Variants in CYP39A1 observed in about 807,000 individuals in gnomAD.
CYP39A1 encodes 24-hydroxycholesterol 7-alpha-hydroxylase.
In CYP39A1, 49 loss-of-function variants were observed where a neutral mutation model predicts 58.1. The ratio of observed to expected loss-of-function variants is 0.84; its 90% CI spans 0.67 to 1.07. The LOEUF (loss-of-function observed/expected upper bound fraction) is 1.07. CYP39A1 is among the 50% of genes least tolerant of loss of function. The probability of loss-of-function intolerance (pLI) is 0.00; values close to 1 mark genes in which losing one functional copy is unlikely to be tolerated. For missense variants in CYP39A1, 531 were observed against 539.4 expected (o/e 0.98, Z 0.16); for synonymous variants, 209 against 187.6 (o/e 1.11, Z -0.93).
intron 1 of CYP39A1, among the ~76,000 whole-genome samples, chr6:46,651,485 G>GA (rs1198348325): frequency 1.3e-5 from 2 of 152,082 alleles, no homozygotes; most frequent in East Asian, 3.9e-4. Context: ...AAATACATAG[G>GA]AAAATGACCA....
chr6:46,585,796 G>A (rs1297530782), intron 10 of CYP39A1, among the ~76,000 whole-genome samples: 4 of 152,004 alleles, frequency 2.6e-5, no homozygotes, highest in Non-Finnish European at 5.9e-5. Flanking sequence ...GAGATTCCAG[G>A]GATTCAGGCT....
chr6:46,601,126 G>A (rs975337410), intron 7 of CYP39A1, among the ~76,000 whole-genome samples: 5 of 152,170 alleles, frequency 3.3e-5, no homozygotes, highest in African/African-American at 1.2e-4. Context: ...CACATTTGGT[G>A]TCAGAAGTGT....
Position 46,636,469 on chromosome 6 carries a change from A to AT in CYP39A1, c.651dup (p.Ser218IlefsTer10). 6.2e-7 allele frequency: 1 copy of AT among 1,606,298 alleles called. No individual in the cohort carries two copies. Among genetic ancestry groups the AT allele is most frequent in the Non-Finnish European group, 8.5e-7 (1 of 1,177,472 alleles). ...AACAGTTCCAGGAACCACTTTTTGG[A>AT]TTTTGACCAGTTTCTACATGAGAAA... On this transcript the variant is annotated frameshift_variant, in exon 5 of 12. Transcript: ENST00000275016. LOFTEE classifies it high-confidence loss of function.
rs1770676665 is a variant in CYP39A1, at chr6:46,556,607, C to T, written c.1251-2753G>A. ...CACAAGAAAAAGTCTCACCATTGTA[C>T]AGCACATGGACCATTAGCTAGAGCT... On this transcript the variant is annotated intron_variant, in intron 10 of 11. Transcript: ENST00000275016. Among the ~76,000 whole-genome samples, 4 of 152,138 alleles carry T rather than the reference C, an allele frequency of 2.6e-5. No homozygotes were observed. The South Asian group carries it at 6.2e-4, about 24-fold the overall frequency.
At chr6:46,567,546 C>A (rs1171314869) in intron 10 of CYP39A1, among the ~76,000 whole-genome samples, 1 of 151,896 alleles carries the variant, frequency 6.6e-6, no homozygotes, top group Non-Finnish European at 1.5e-5. Flanking sequence ...AACTGCCATA[C>A]CGTTTTCCAT....
intron 9 of CYP39A1, 40 bp from the exon 10 acceptor site, chr6:46,587,205 TA>T (rs766029685): frequency 4.6e-6 from 6 of 1,294,666 alleles, no homozygotes; most frequent in Non-Finnish European, 6.6e-6. Flanking sequence ...ATCAGCCTTA[TA>T]TAAATAAGCT....
intron 10 of CYP39A1, among the ~76,000 whole-genome samples, chr6:46,564,375 T>C (rs1409313732): frequency 1.3e-5 from 2 of 151,756 alleles, no homozygotes; most frequent in Non-Finnish European, 2.9e-5. Flanking sequence ...TTTGTATTTT[T>C]AGTAGAGACG....
intron 7 of CYP39A1, among the ~76,000 whole-genome samples, chr6:46,624,949 GT>G (rs1229320770): frequency 1.3e-5 from 2 of 151,776 alleles, no homozygotes; most frequent in Non-Finnish European, 2.9e-5. Flanking sequence ...TTGTTTACTT[GT>G]TTTTTGTTTG....
chr6:46,631,894 A>T (rs574257276), intron 5 of CYP39A1, among the ~76,000 whole-genome samples: 37 of 152,316 alleles, frequency 2.4e-4, no homozygotes, highest in Non-Finnish European at 4.1e-4. Context: ...ACGGCTCTCC[A>T]TCATGGGAAA....
intron 7 of CYP39A1, among the ~76,000 whole-genome samples, chr6:46,621,802 T>C (rs1774971888): frequency 6.6e-6 from 1 of 152,128 alleles, no homozygotes; most frequent in Admixed American, 6.6e-5. Flanking sequence ...ATACACTCTC[T>C]AAAGCCAGAA....
chr6:46,623,084 G>A (rs1441297760), intron 7 of CYP39A1, among the ~76,000 whole-genome samples: 1 of 152,192 alleles, frequency 6.6e-6, no homozygotes, highest in Non-Finnish European at 1.5e-5. Flanking sequence ...AGGAAATGGT[G>A]ATCTTGCGGG....
intron 10 of CYP39A1, among the ~76,000 whole-genome samples, chr6:46,573,832 C>A (rs914384230): frequency 1.3e-5 from 2 of 152,064 alleles, no homozygotes; most frequent in Non-Finnish European, 2.9e-5. Context: ...TGAAGCTAAG[C>A]CCTTTAAAAA....
At chr6:46,585,322 TATAGATAGATAGATAGATAG>T (rs3837039) in intron 10 of CYP39A1, among the ~76,000 whole-genome samples, 1 of 149,726 alleles carries the variant, frequency 6.7e-6, no homozygotes, top group Non-Finnish European at 1.5e-5. Context: ...TTGCTATTGG[TATAGATAGATAGATAGATAG>T]ATAGATAGAT....
chr6:46,573,818 T>C (rs1299856286), intron 10 of CYP39A1, among the ~76,000 whole-genome samples: 3 of 152,138 alleles, frequency 2.0e-5, no homozygotes, highest in African/African-American at 7.2e-5. Flanking sequence ...ATAACCAAAG[T>C]AAATGAAGCT....
At chr6:46,634,941 T>A (rs755235042) in intron 5 of CYP39A1, among the ~76,000 whole-genome samples, 1 of 152,206 alleles carries the variant, frequency 6.6e-6, no homozygotes, top group Non-Finnish European at 1.5e-5. Flanking sequence ...TGGAAAATAA[T>A]GCAAAGAACA....
intron 10 of CYP39A1, among the ~76,000 whole-genome samples, chr6:46,562,743 A>G (rs536153152): frequency 6.6e-6 from 1 of 152,270 alleles, no homozygotes; most frequent in Non-Finnish European, 1.5e-5. Context: ...AAGATTAGAA[A>G]TAATATTTAC....
chr6:46,613,612 G>T (rs946027075), intron 7 of CYP39A1, among the ~76,000 whole-genome samples: 1 of 151,864 alleles, frequency 6.6e-6, no homozygotes, highest in African/African-American at 2.4e-5. Context: ...AAAATAAAAT[G>T]GGTGCATGTG....
At position 46,592,895 on chromosome 6, in the gene CYP39A1, G is replaced by T. The variant is rs141907111; in HGVS notation, c.1065+3092C>A. The stretch of plus-strand genomic sequence containing the variant: ...TGCTTGAACCTGGGAGGTGGTGGTT[G>T]CAGTGAGCCAAGATCATGTCACTGC... On this transcript the variant is annotated intron_variant, in intron 8 of 11. Transcript: ENST00000275016. Among the ~76,000 whole-genome samples the T allele has an allele frequency of 3.4e-3, 525 of 152,266 alleles. 1 individual carries two copies. Among genetic ancestry groups the T allele is most frequent in the Non-Finnish European group, 5.5e-3 (377 of 68,024 alleles).
At chr6:46,557,890 C>T (rs1324945754) in intron 10 of CYP39A1, among the ~76,000 whole-genome samples, 2 of 137,956 alleles carry the variant, frequency 1.4e-5, no homozygotes, top group Non-Finnish European at 1.5e-5. Flanking sequence ...GAGCTGAGAT[C>T]GCACCACTGC....
Sources: allele counts gnomAD v4.1 joint callset (sites outside exome capture counted in the v4.1 genomes callset), GRCh38; gene constraint gnomAD v4.1.1; transcripts MANE v1.5; gene names NCBI Gene and HGNC (gene_info 2026-07-23, HGNC 2026-07-21).